The following OR51B5 variants were observed in gnomAD, a reference collection of about 807,000 sequenced individuals.
OR51B5 encodes the protein olfactory receptor 51B5.
For synonymous variants in OR51B5, 186 were observed against 144.8 expected (o/e 1.28, Z -2.04); for missense variants, 456 against 374.6 (o/e 1.22, Z -1.79).
intron 1 of OR51B5, among the ~76,000 whole-genome samples, chr11:5,378,093 T>G (rs2647544): frequency 0.59 from 88,835 of 150,970 alleles, 26,267 homozygotes; most frequent in South Asian, 0.7. Flanking sequence ...AAACAGCATG[T>G]TACTGGTACC....
chr11:5,345,909 A>G (rs1848983145), upstream of OR51B5: 1 of 145,210 alleles, frequency 6.9e-6, no homozygotes, highest in Non-Finnish European at 1.6e-5. Flanking sequence ...ACTGAGAGAC[A>G]TAAACCAGAA....
At chr11:5,387,528 C>T (rs1034106853) in intron 1 of OR51B5, among the ~76,000 whole-genome samples, 10 of 151,858 alleles carry the variant, frequency 6.6e-5, no homozygotes, top group African/African-American at 2.2e-4. Context: ...ACTCGAAGCT[C>T]ACAAGTATAA....
At chr11:5,352,403 G>T in intron 1 of OR51B5, 1 of 1,611,940 alleles carries the variant, frequency 6.2e-7, no homozygotes, top group Non-Finnish European at 8.5e-7. Flanking sequence ...CAGATTCAGA[G>T]TGGCATACTT....
chr11:5,418,031 C>CTGAAT (rs201111280), intron 1 of OR51B5, among the ~76,000 whole-genome samples: 1 of 147,560 alleles, frequency 6.8e-6, no homozygotes, highest in Non-Finnish European at 1.5e-5. Context: ...TAATGATAGA[C>CTGAAT]TAAGAAAATG....
intron 1 of OR51B5, among the ~76,000 whole-genome samples, chr11:5,498,180 T>C (rs1354699747): frequency 6.6e-6 from 1 of 152,194 alleles, no homozygotes; most frequent in Non-Finnish European, 1.5e-5. Context: ...CTCAGTTCCT[T>C]GCCAAATGCC....
At chr11:5,463,518 G>T (rs547677670) in intron 1 of OR51B5, among the ~76,000 whole-genome samples, 1 of 152,298 alleles carries the variant, frequency 6.6e-6, no homozygotes, top group South Asian at 2.1e-4. Flanking sequence ...ATTCTTCCTA[G>T]CAGAGATATT....
intron 1 of OR51B5, among the ~76,000 whole-genome samples, chr11:5,432,119 T>C (rs763745933): frequency 6.6e-6 from 1 of 152,212 alleles, no homozygotes; most frequent in Admixed American, 6.5e-5. Context: ...TTAGAACTAA[T>C]TCCTTCTATC....
intron 1 of OR51B5, among the ~76,000 whole-genome samples, chr11:5,441,727 A>T (rs1053654365): frequency 6.6e-6 from 1 of 152,174 alleles, no homozygotes; most frequent in African/African-American, 2.4e-5. Context: ...TCTAGGCCAT[A>T]GTAGAAACTC....
intron 1 of OR51B5, among the ~76,000 whole-genome samples, chr11:5,465,789 C>A (rs2133797149): frequency 6.8e-6 from 1 of 146,946 alleles, no homozygotes; most frequent in Admixed American, 6.8e-5. Context: ...CTTCCTTACA[C>A]CTTATACAAA....
chr11:5,422,982 C>G lies in OR51B5; in HGVS notation n.85-76072G>C, dbSNP rs776427213. The G allele has an allele frequency of 5.0e-6, 8 of 1,614,054 alleles. No individual in the cohort carries two copies. The African/African-American group carries it at 6.7e-5, about 13-fold the overall frequency. On this transcript the variant is annotated intron_variant and non_coding_transcript_variant, in intron 1 of 4. Coordinates refer to the OR51B5 transcript ENST00000415970. ...CTCTACATTCCCATGGTTGGTGTAT[C>G]TATGACTCATCGCTTTGCCAAGCAT...
At chr11:5,478,653 G>C (rs1193290126) in intron 1 of OR51B5, among the ~76,000 whole-genome samples, 4 of 150,722 alleles carry the variant, frequency 2.7e-5, no homozygotes, top group Admixed American at 2.6e-4. Context: ...AACCAATACA[G>C]AGAAGTGCTT....
chr11:5,478,310 A>G (rs11037675), intron 1 of OR51B5, among the ~76,000 whole-genome samples: 88,003 of 150,118 alleles, frequency 0.59, 26,193 homozygotes, highest in South Asian at 0.66. Context: ...CCTGTCTGTT[A>G]GAAGGAAAAC....
intron 1 of OR51B5, chr11:5,455,752 A>G (rs984097166): frequency 6.6e-6 from 1 of 152,138 alleles, no homozygotes; most frequent in Admixed American, 6.5e-5. Flanking sequence ...TACCAACAAG[A>G]GAGAGAGTCA....
intron 1 of OR51B5, among the ~76,000 whole-genome samples, chr11:5,435,226 G>A (rs956240979): frequency 2.0e-5 from 3 of 152,110 alleles, no homozygotes; most frequent in Admixed American, 2.0e-4. Flanking sequence ...GGAGTTTATC[G>A]CATCCCTAAA....
intron 1 of OR51B5, among the ~76,000 whole-genome samples, chr11:5,444,231 AT>A (rs1850732078): frequency 7.7e-6 from 1 of 129,558 alleles, no homozygotes; most frequent in East Asian, 2.0e-4. Flanking sequence ...TGACAACTAC[AT>A]TGTTAAATGA....
intron 1 of OR51B5, among the ~76,000 whole-genome samples, chr11:5,428,466 G>T (rs1218274398): frequency 1.3e-5 from 2 of 152,138 alleles, no homozygotes; most frequent in Admixed American, 6.5e-5. Context: ...GCTCAACATA[G>T]GGTTATTACA....
intron 1 of OR51B5, chr11:5,385,399 T>C (rs1335795734): frequency 6.6e-6 from 1 of 152,224 alleles, no homozygotes; most frequent in African/African-American, 2.4e-5. Context: ...CTCATCACTC[T>C]GAAGTTGGTG....
chr11:5,366,910 C>A (rs1321496224), intron 1 of OR51B5, among the ~76,000 whole-genome samples: 1 of 152,152 alleles, frequency 6.6e-6, no homozygotes, highest in Non-Finnish European at 1.5e-5. Context: ...ACAACAGGCA[C>A]AAAGTTTTAG....
At chr11:5,401,619 G>A (rs571829878) in intron 1 of OR51B5, among the ~76,000 whole-genome samples, 3 of 152,102 alleles carry the variant, frequency 2.0e-5, no homozygotes, top group Non-Finnish European at 4.4e-5. Flanking sequence ...TATAGACCTT[G>A]TCTTTGTATA....
Sources: allele counts gnomAD v4.1 joint callset (sites outside exome capture counted in the v4.1 genomes callset), GRCh38; gene constraint gnomAD v4.1.1; transcripts MANE v1.5; gene names NCBI Gene and HGNC (gene_info 2026-07-23, HGNC 2026-07-21).